Variants in ELAPOR1 observed in about 807,000 individuals in gnomAD.
ELAPOR1 encodes endosome-lysosome associated apoptosis and autophagy regulator 1.
Under a neutral mutation model 119.7 loss-of-function variants are expected in ELAPOR1, and 77 were observed. The observed-to-expected ratio is 0.64, with a 90% CI of 0.54 to 0.78. ELAPOR1 has a LOEUF of 0.78. Among genes scored for constraint, ELAPOR1 ranks in the 30% least tolerant of loss-of-function variants. The pLI is 0.00. For synonymous variants in ELAPOR1, 481 were observed against 487.2 expected (o/e 0.99, Z 0.17); for missense variants, 1,115 against 1,270.4 (o/e 0.88, Z 1.86).
intron 12 of ELAPOR1, 41 bp from the exon 13 acceptor site, chr1:109,191,685 C>G: frequency 6.2e-7 from 1 of 1,610,748 alleles, no homozygotes; most frequent in Non-Finnish European, 8.5e-7. Flanking sequence ...CACTTCCCCT[C>G]TGGCCATCGC....
intron 1 of ELAPOR1, among the ~76,000 whole-genome samples, chr1:109,118,618 G>T (rs1487550456): frequency 6.6e-6 from 1 of 152,270 alleles, no homozygotes; most frequent in Non-Finnish European, 1.5e-5. Flanking sequence ...ACATGCTGAC[G>T]GTGGAGGTTA....
rs944607861 is a variant in ELAPOR1 at position 109,164,683 on chromosome 1, C to G, written c.459C>G (p.Asn153Lys). Reference protein sequence around the residue: ...LDDSAAESTGNCTSSKWVPRG... With the variant: ...LDDSAAESTGKCTSSKWVPRG... ...ACAGTGCTGCTGAGTCCACCGGGAA[C>G]TGTACTTCGTGAGTCTGCACACACC... Residue 153 changes from asparagine to lysine, a missense_variant, in exon 3 of 22, where the codon AAC becomes AAG. Coordinates refer to ENST00000369939, the MANE Select transcript of ELAPOR1 (RefSeq NM_020775.5). 1.9e-6 allele frequency: 3 copies of G among 1,613,668 alleles called. No homozygotes were observed. Among genetic ancestry groups the G allele is most frequent in the African/African-American group, 2.7e-5 (2 of 75,058 alleles).
chr1:109,126,483 T>G (rs1032799866), intron 1 of ELAPOR1, among the ~76,000 whole-genome samples: 2 of 152,188 alleles, frequency 1.3e-5, no homozygotes, highest in African/African-American at 4.8e-5. Flanking sequence ...AGCACTTTTT[T>G]TTTTTGAGAT....
chr1:109,162,361 G>A (rs1437190938), intron 2 of ELAPOR1, among the ~76,000 whole-genome samples: 1 of 152,118 alleles, frequency 6.6e-6, no homozygotes, highest in African/African-American at 2.4e-5. Context: ...TCACTCACCA[G>A]CCACAATCAG....
intron 15 of ELAPOR1, among the ~76,000 whole-genome samples, chr1:109,196,708 G>T (rs1653818328): frequency 6.7e-6 from 1 of 149,762 alleles, no homozygotes; most frequent in African/African-American, 2.5e-5. Flanking sequence ...TTTTGAGGTG[G>T]AGTCTCACTC....
intron 1 of ELAPOR1, among the ~76,000 whole-genome samples, chr1:109,142,199 A>T (rs1436204024): frequency 6.6e-6 from 1 of 152,190 alleles, no homozygotes; most frequent in Non-Finnish European, 1.5e-5. Flanking sequence ...GAAAGAAAAA[A>T]AGAAAAATTA....
chr1:109,124,065 G>A (rs1648619985), intron 1 of ELAPOR1, among the ~76,000 whole-genome samples: 1 of 152,170 alleles, frequency 6.6e-6, no homozygotes, highest in South Asian at 2.1e-4. Context: ...GCCTTCCAAA[G>A]CGCTGGGATT....
intron 1 of ELAPOR1, among the ~76,000 whole-genome samples, chr1:109,146,161 C>T (rs1268549864): frequency 6.6e-6 from 1 of 151,688 alleles, no homozygotes; most frequent in Non-Finnish European, 1.5e-5. Flanking sequence ...AAAATACACA[C>T]ACAAAAAAAT....
At chr1:109,161,827 GGGTGGGAA>G in intron 1 of ELAPOR1, 59 bp from the exon 2 acceptor site, 1 of 1,555,574 alleles carries the variant, frequency 6.4e-7, no homozygotes, top group Non-Finnish European at 8.8e-7. Context: ...GCTGGGAAGT[GGGTGGGAA>G]GCTGTTAATG....
chr1:109,134,707 A>G (rs1018097198), intron 1 of ELAPOR1, among the ~76,000 whole-genome samples: 1 of 152,026 alleles, frequency 6.6e-6, no homozygotes, highest in Non-Finnish European at 1.5e-5. Flanking sequence ...CACCTTCGTC[A>G]TTACAACTTT....
rs758925792 is a variant in ELAPOR1 at position 109,198,599 on chromosome 1, G to A, written c.2426G>A (p.Ser809Asn). ...TCCAATGATGTGACCCAGTCCTGCA[G>A]TTCTGGGAGATCAACCACCATCCGC... ...YRSNDVTQSC[S>N]SGRSTTIRVR... The change falls in exon 18 of 22, where the codon AGT becomes AAT. Residue 809 changes from serine to asparagine, a missense_variant. Physicochemically the swap from Ser to Asn is conservative, Grantham distance 46. Transcript: ENST00000369939. The A allele has an allele frequency of 7.1e-5, 115 of 1,613,794 alleles. No homozygotes were observed. Among genetic ancestry groups the A allele is most frequent in the Non-Finnish European group, 9.2e-5 (108 of 1,179,952 alleles).
intron 1 of ELAPOR1, among the ~76,000 whole-genome samples, chr1:109,115,497 C>T (rs1342557601): frequency 1.3e-5 from 2 of 152,156 alleles, no homozygotes; most frequent in Non-Finnish European, 2.9e-5. Context: ...CCCGGCCAGT[C>T]TCTAACTCCT....
chr1:109,142,458 C>T (rs914598289), intron 1 of ELAPOR1, among the ~76,000 whole-genome samples: 1 of 152,210 alleles, frequency 6.6e-6, no homozygotes, highest in Non-Finnish European at 1.5e-5. Context: ...ATACTCCCAT[C>T]ACAGTCAATC....
rs566520380 is a variant in ELAPOR1, at chr1:109,188,125, A to G, written c.1042-52A>G. 2.0e-5 allele frequency: 31 copies of G among 1,553,026 alleles called. No individual in the cohort carries two copies. In the African/African-American group the frequency reaches 4.2e-4, roughly 21 times the overall value. ...CCCCTATCCTCAAGGTAGAGTCCCA[A>G]AGATGTCCTAAATCTCACACAGGCT... On this transcript the variant is annotated intron_variant, in intron 8 of 21. Transcript: ENST00000369939.
chr1:109,164,926 G>T (rs1268827863), intron 3 of ELAPOR1, among the ~76,000 whole-genome samples: 1 of 152,170 alleles, frequency 6.6e-6, no homozygotes, highest in Non-Finnish European at 1.5e-5. Flanking sequence ...TTTGTGGGAG[G>T]TAAAAAACAT....
intron 3 of ELAPOR1, among the ~76,000 whole-genome samples, chr1:109,167,005 T>C (rs1319231815): frequency 6.6e-6 from 1 of 152,188 alleles, no homozygotes; most frequent in Admixed American, 6.5e-5. Flanking sequence ...GTTATGTTAT[T>C]TTAGAGTTCA....
intron 1 of ELAPOR1, among the ~76,000 whole-genome samples, chr1:109,134,524 C>T (rs1220370640): frequency 1.3e-5 from 2 of 152,016 alleles, no homozygotes; most frequent in African/African-American, 2.4e-5. Context: ...TAGTCCTGGC[C>T]CTCTGTGTAA....
chr1:109,158,787 T>G (rs1651054432), intron 1 of ELAPOR1, among the ~76,000 whole-genome samples: 1 of 152,108 alleles, frequency 6.6e-6, no homozygotes, highest in Non-Finnish European at 1.5e-5. Flanking sequence ...GAGTAACAGA[T>G]CACTGAGTAA....
chr1:109,187,284 G>C, intron 8 of ELAPOR1: 1 of 985,466 alleles, frequency 1.0e-6, no homozygotes, highest in Non-Finnish European at 1.2e-6. Flanking sequence ...ACAGGAGGCA[G>C]GTGAGGTTCA....
Sources: gnomAD v4.1 joint callset for allele counts (sites outside exome capture counted in the v4.1 genomes callset) on GRCh38, gnomAD v4.1.1 for gene constraint, MANE v1.5 for transcripts, NCBI Gene and HGNC (gene_info 2026-07-23, HGNC 2026-07-21) for gene names.